Variants in CIMIP5 observed in about 807,000 individuals in gnomAD.
CIMIP5 encodes the protein ciliary microtubule inner protein 5.
chr2:11,143,941 A>C, the CIMIP5 span: 36 of 1,595,838 alleles, frequency 2.3e-5, no homozygotes, highest in Non-Finnish European at 3.1e-5. Context: ...GGAGCCTGAG[A>C]AGTTGCCAGA....
chr2:11,134,253 A>G, the CIMIP5 span, among the ~76,000 whole-genome samples: 1 of 152,232 alleles, frequency 6.6e-6, no homozygotes, highest in Admixed American at 6.5e-5. Flanking sequence ...GAATTCGTGT[A>G]GCTGAGGCAC....
chr2:11,146,615 T>C, the CIMIP5 span: 2 of 152,218 alleles, frequency 1.3e-5, no homozygotes, highest in Non-Finnish European at 2.9e-5. Flanking sequence ...TGAGCGACTG[T>C]GTGATGGAGC....
At chr2:11,137,390 CA>C in the CIMIP5 span, among the ~76,000 whole-genome samples, 4 of 151,406 alleles carry the variant, frequency 2.6e-5, no homozygotes, top group African/African-American at 9.7e-5. Context: ...AAACAAAAAA[CA>C]AAAAGAACTT....
the CIMIP5 span, among the ~76,000 whole-genome samples, chr2:11,142,678 G>A: frequency 2.0e-5 from 3 of 151,804 alleles, no homozygotes; most frequent in African/African-American, 7.3e-5. Context: ...CTAAACAGGG[G>A]CAGGAAGAGC....
chr2:11,144,214 G>C, the CIMIP5 span: 1 of 936,790 alleles, frequency 1.1e-6, no homozygotes. Context: ...GGCAGCTTGG[G>C]TCTGCACTGT....
At chr2:11,136,749 C>G in the CIMIP5 span, among the ~76,000 whole-genome samples, 1 of 152,192 alleles carries the variant, frequency 6.6e-6, no homozygotes, top group Non-Finnish European at 1.5e-5. Context: ...AAAGGTGAAT[C>G]TTATGGAATG....
chr2:11,142,520 T>C, the CIMIP5 span, among the ~76,000 whole-genome samples: 1 of 152,252 alleles, frequency 6.6e-6, no homozygotes, highest in East Asian at 1.9e-4. Context: ...TGCTAAGGGC[T>C]ACATGATAGC....
the CIMIP5 span, among the ~76,000 whole-genome samples, chr2:11,141,269 T>G: frequency 6.6e-6 from 1 of 151,938 alleles, no homozygotes; most frequent in African/African-American, 2.4e-5. Flanking sequence ...GCTGAGATTA[T>G]AGGTGCACAC....
chr2:11,133,457 T>A, the CIMIP5 span: 2 of 1,609,510 alleles, frequency 1.2e-6, no homozygotes, highest in Non-Finnish European at 1.7e-6. Flanking sequence ...CCAGCAGGGG[T>A]CTTGCTGGTG....
the CIMIP5 span, among the ~76,000 whole-genome samples, chr2:11,136,655 G>GATGAGGACTGAC: frequency 6.6e-6 from 1 of 152,202 alleles, no homozygotes; most frequent in Non-Finnish European, 1.5e-5. Context: ...TGTTTTGGGG[G>GATGAGGACTGAC]TGATGAAATG....
At chr2:11,137,523 C>A in the CIMIP5 span, among the ~76,000 whole-genome samples, 1 of 152,076 alleles carries the variant, frequency 6.6e-6, no homozygotes, top group Non-Finnish European at 1.5e-5. Flanking sequence ...GAATTAAAAA[C>A]GTAGAGAAAC....
At chr2:11,150,962 G>A in the CIMIP5 span, among the ~76,000 whole-genome samples, 35 of 152,016 alleles carry the variant, frequency 2.3e-4, no homozygotes, top group African/African-American at 8.0e-4. Context: ...ATCTTAACAG[G>A]TGCAGGACAG....
the CIMIP5 span, among the ~76,000 whole-genome samples, chr2:11,151,634 TG>T: frequency 1.3e-5 from 2 of 152,246 alleles, no homozygotes; most frequent in African/African-American, 4.8e-5. Flanking sequence ...GTTTTTGGTT[TG>T]GTTTGGTTTG....
At chr2:11,140,916 C>A in the CIMIP5 span, among the ~76,000 whole-genome samples, 2 of 152,018 alleles carry the variant, frequency 1.3e-5, no homozygotes, top group African/African-American at 4.8e-5. Context: ...AAACAAATTC[C>A]CTGACTCTGG....
At chr2:11,138,597 A>G in the CIMIP5 span, among the ~76,000 whole-genome samples, 1 of 152,142 alleles carries the variant, frequency 6.6e-6, no homozygotes, top group African/African-American at 2.4e-5. Flanking sequence ...AGTAATCCCC[A>G]GTTTTGGAGG....
the CIMIP5 span, among the ~76,000 whole-genome samples, chr2:11,142,713 ATTT>A: frequency 1.5e-4 from 16 of 104,138 alleles, no homozygotes; most frequent in African/African-American, 4.2e-4. Flanking sequence ...CACTTGTCAG[ATTT>A]TTTTTTTTTT....
At chr2:11,137,242 G>A in the CIMIP5 span, among the ~76,000 whole-genome samples, 1 of 152,088 alleles carries the variant, frequency 6.6e-6, no homozygotes, top group African/African-American at 2.4e-5. Context: ...GCATGGTAGT[G>A]TGCACCTGTA....
At chr2:11,146,967 A>G in the CIMIP5 span, among the ~76,000 whole-genome samples, 162 of 152,296 alleles carry the variant, frequency 1.1e-3, no homozygotes, top group Non-Finnish European at 1.7e-3. Context: ...GAGGCACAAG[A>G]AAAGTCAAGG....
At chr2:11,135,427 A>AT in the CIMIP5 span, among the ~76,000 whole-genome samples, 2 of 151,632 alleles carry the variant, frequency 1.3e-5, no homozygotes, top group Admixed American at 6.6e-5. Flanking sequence ...TCTCATTGTG[A>AT]TTTTTTGTTT....
Sources: allele counts gnomAD v4.1 joint callset (sites outside exome capture counted in the v4.1 genomes callset), GRCh38; gene constraint gnomAD v4.1.1; transcripts MANE v1.5; gene names NCBI Gene and HGNC (gene_info 2026-07-23, HGNC 2026-07-21).